The following MAPKAP1 variants were observed in gnomAD, a reference collection of about 807,000 sequenced individuals.
MAPKAP1 encodes target of rapamycin complex 2 subunit MAPKAP1.
MAPKAP1 carries 20 observed loss-of-function variants against 65.7 expected under a neutral mutation model. The ratio of observed to expected loss-of-function variants is 0.30; its 90% CI spans 0.21 to 0.44. The LOEUF is 0.44. Ranked by LOEUF, MAPKAP1 falls within the 20% of genes least tolerant of loss-of-function variation. The probability of loss-of-function intolerance (pLI) is 1.00; values close to 1 mark genes in which losing one functional copy is unlikely to be tolerated. For missense variants in MAPKAP1, 423 were observed against 648.0 expected (o/e 0.65, Z 3.77); for synonymous variants, 222 against 244.3 (o/e 0.91, Z 0.85).
At chr9:125,513,809 A>G (rs1347192181) in intron 7 of MAPKAP1, among the ~76,000 whole-genome samples, 1 of 152,174 alleles carries the variant, frequency 6.6e-6, no homozygotes, top group African/African-American at 2.4e-5. Context: ...CATCAAAGCG[A>G]AAGTCTGTGC....
chr9:125,688,820 A>G (rs189408837), intron 1 of MAPKAP1, among the ~76,000 whole-genome samples: 38 of 152,340 alleles, frequency 2.5e-4, no homozygotes, highest in Non-Finnish European at 4.4e-4. Flanking sequence ...ATAAATCAGT[A>G]AACTTCGGCA....
chr9:125,448,410 A>G (rs1448823960), intron 10 of MAPKAP1, among the ~76,000 whole-genome samples: 1 of 152,242 alleles, frequency 6.6e-6, no homozygotes, highest in Admixed American at 6.5e-5. Context: ...AATTTCCACC[A>G]TAGGTGTCTG....
chr9:125,668,170 C>A (rs1834394804), intron 3 of MAPKAP1, among the ~76,000 whole-genome samples: 1 of 152,212 alleles, frequency 6.6e-6, no homozygotes, highest in Admixed American at 6.5e-5. Context: ...AATCAAGAAG[C>A]ACTTTACAGA....
chr9:125,596,830 GTTGT>G (rs900669857), intron 4 of MAPKAP1, among the ~76,000 whole-genome samples: 19 of 152,240 alleles, frequency 1.2e-4, no homozygotes, highest in Admixed American at 5.2e-4. Context: ...TGTATAACAG[GTTGT>G]TTTAGTTTTT....
intron 4 of MAPKAP1, among the ~76,000 whole-genome samples, chr9:125,626,774 C>T (rs1833131664): frequency 1.3e-5 from 2 of 152,180 alleles, no homozygotes; most frequent in African/African-American, 2.4e-5. Context: ...CTGATTTATT[C>T]ATCTAACTCT....
At position 125,460,608 on chromosome 9, in the gene MAPKAP1, T is replaced by A. The variant is rs554301566; in HGVS notation, c.1345+7364A>T. On this transcript the variant is annotated intron_variant, in intron 10 of 11. Transcript: ENST00000265960. Reference sequence around the variant, plus strand: ...GGGGGTCAGAGGAGAATCTTCTGACTCCGAAATTCAGAGTGTTGATCCTTC... The same window carrying A: ...GGGGGTCAGAGGAGAATCTTCTGACACCGAAATTCAGAGTGTTGATCCTTC... Among the ~76,000 whole-genome samples the A allele has an allele frequency of 3.9e-5, 6 of 152,296 alleles. No individual in the cohort carries two copies. In the South Asian group the frequency reaches 1.2e-3, roughly 32 times the overall value.
intron 8 of MAPKAP1, among the ~76,000 whole-genome samples, chr9:125,496,425 A>G (rs1224666682): frequency 6.6e-6 from 1 of 152,190 alleles, no homozygotes; most frequent in Admixed American, 6.5e-5. Flanking sequence ...ATCACAAGTC[A>G]TTTTCATTTG....
At chr9:125,697,319 A>G (rs920413870) in intron 1 of MAPKAP1, among the ~76,000 whole-genome samples, 1 of 152,252 alleles carries the variant, frequency 6.6e-6, no homozygotes, top group Non-Finnish European at 1.5e-5. Flanking sequence ...ATATTTGTTA[A>G]TATCAATTTT....
chr9:125,506,489 A>G, intron 7 of MAPKAP1, 72 bp from the exon 8 acceptor site: 1 of 1,217,738 alleles, frequency 8.2e-7, no homozygotes, highest in South Asian at 1.2e-5. Context: ...AAAACACCAC[A>G]TACTGGTGAA....
intron 6 of MAPKAP1, among the ~76,000 whole-genome samples, chr9:125,548,248 A>T (rs965001413): frequency 6.6e-6 from 1 of 152,212 alleles, no homozygotes; most frequent in Admixed American, 6.5e-5. Context: ...GTCCAGTGGG[A>T]GAGAAAGATA....
chr9:125,444,729 G>C (rs1410606182), intron 10 of MAPKAP1, 131 bp from the exon 11 acceptor site: 1 of 601,100 alleles, frequency 1.7e-6, no homozygotes, highest in African/African-American at 1.9e-5. Context: ...GTCTTCCCAG[G>C]AGTAGTTCGT....
chr9:125,694,076 C>A (rs1835312838), intron 1 of MAPKAP1, among the ~76,000 whole-genome samples: 2 of 151,830 alleles, frequency 1.3e-5, no homozygotes, highest in Non-Finnish European at 2.9e-5. Flanking sequence ...TGCTTGTAAT[C>A]CCAGCACTTT....
At chr9:125,653,475 C>T (rs1833948451) in intron 4 of MAPKAP1, among the ~76,000 whole-genome samples, 1 of 152,184 alleles carries the variant, frequency 6.6e-6, no homozygotes, top group South Asian at 2.1e-4. Flanking sequence ...GATGAGGATG[C>T]TCCTTTCCTC....
In MAPKAP1 at chr9:125,507,852, C is replaced by A. The variant is rs117468679; in HGVS notation, c.959-1435G>T. 3.1e-3 allele frequency among the ~76,000 whole-genome samples: 476 copies of A among 152,226 alleles called. 2 individuals carry two copies. The highest frequency in any genetic ancestry group is 6.8e-3 in the Middle Eastern group (2 of 294). On this transcript the variant is annotated intron_variant, in intron 7 of 11. Coordinates refer to ENST00000265960, the MANE Select transcript of MAPKAP1 (RefSeq NM_001006617.3). The stretch of plus-strand genomic sequence containing the variant: ...GTTTTAAAATTATTGGTAGTAAATT[C>A]ATTTTTTTTTAAAATTCTAATTTCA...
intron 4 of MAPKAP1, among the ~76,000 whole-genome samples, chr9:125,629,841 T>C (rs1258114289): frequency 1.3e-5 from 2 of 152,190 alleles, no homozygotes; most frequent in African/African-American, 4.8e-5. Context: ...CCTATACTAG[T>C]CGAAGCAGAC....
At position 125,447,523 on chromosome 9, in the gene MAPKAP1, G is replaced by A. The variant is rs1208925530; in HGVS notation, c.1346-2925C>T. The A allele has an allele frequency of 2.2e-6, 1 of 456,396 alleles. No individual in the cohort carries two copies. Among genetic ancestry groups the A allele is most frequent in the Admixed American group, 2.3e-5 (1 of 42,576 alleles). The allele number at this position is 456,396 out of a possible 1,614,324, so 28.3% of individuals were successfully genotyped here. A position where few individuals can be genotyped will look rare whatever the true frequency, so the allele number is the denominator to read the frequency against. On this transcript the variant is annotated intron_variant, in intron 10 of 11. Coordinates refer to ENST00000265960, the MANE Select transcript of MAPKAP1 (RefSeq NM_001006617.3). This position sits in a 1 kb window ranked among gnomAD's most constrained non-coding sequence, Gnocchi z 4.5. ...AGGGCAGGTTAAGATCAGCAGCCAT[G>A]CTGGGCCATAGGACATGGGGCGGAC...
intron 1 of MAPKAP1, among the ~76,000 whole-genome samples, chr9:125,674,744 T>A (rs151293146): frequency 6.6e-6 from 1 of 152,348 alleles, no homozygotes; most frequent in African/African-American, 2.4e-5. Flanking sequence ...ATTACATTAA[T>A]CTTCACTTTT....
At chr9:125,529,177 G>GAAAAA (rs764136309) in intron 7 of MAPKAP1, among the ~76,000 whole-genome samples, 5 of 99,676 alleles carry the variant, frequency 5.0e-5, no homozygotes, top group East Asian at 3.5e-4. Context: ...TCTATCTCAG[G>GAAAAA]AAAAAAAAAA....
intron 5 of MAPKAP1, among the ~76,000 whole-genome samples, chr9:125,576,693 A>G (rs1831412491): frequency 6.6e-6 from 1 of 152,104 alleles, no homozygotes; most frequent in Non-Finnish European, 1.5e-5. Context: ...TGGTTTTTGT[A>G]TTTTTTTGGT....
Sources: gnomAD v4.1 joint callset for allele counts (sites outside exome capture counted in the v4.1 genomes callset) on GRCh38, gnomAD v4.1.1 for gene constraint, Gnocchi (gnomAD v3.1) non-coding constraint, MANE v1.5 for transcripts, NCBI Gene and HGNC (gene_info 2026-07-23, HGNC 2026-07-21) for gene names.